COMT: variants seen among roughly 807,000 people sequenced by gnomAD.
The protein encoded by COMT is catechol-O-methyltransferase, also known as catechol O-methyltransferase.
In COMT, 13 loss-of-function variants were observed where a neutral mutation model predicts 18.9. That is an observed-to-expected ratio of 0.69 (90% CI 0.45 to 1.09). COMT has a LOEUF of 1.09. COMT is among the 50% of genes least tolerant of loss of function. COMT has a pLI of 0.00. For synonymous variants in COMT, 150 were observed against 160.9 expected (o/e 0.93, Z 0.51); for missense variants, 329 against 361.8 (o/e 0.91, Z 0.73).
rs361574 is a variant in COMT, at chr22:19,958,575, T to TAAA, written c.-91-2606_-91-2604dup. Reference sequence around the variant, plus strand: ...CCTTGCTAACACTTGTTATTTTCCTTAAAAAAAAAAAAAAAAAAAAGCCAG... The same window carrying TAAA: ...CCTTGCTAACACTTGTTATTTTCCTTAAAAAAAAAAAAAAAAAAAAAAAGCCAG... On this transcript the variant is annotated intron_variant, in intron 1 of 5. Coordinates refer to ENST00000361682, the MANE Select transcript of COMT (RefSeq NM_000754.4). Among the ~76,000 whole-genome samples, 166 of 121,628 alleles carry TAAA rather than the reference T, an allele frequency of 1.4e-3. 1 individual carries two copies. Among genetic ancestry groups the TAAA allele is most frequent in the Non-Finnish European group, 2.1e-3 (125 of 59,156 alleles). 79.8% of individuals were successfully genotyped at this position (121,628 alleles called of 152,430 possible). A position where few individuals can be genotyped will look rare whatever the true frequency, so the allele number is the denominator to read the frequency against.
chr22:19,950,562 C>G (rs1941913762), intron 1 of COMT, among the ~76,000 whole-genome samples: 1 of 151,948 alleles, frequency 6.6e-6, no homozygotes, highest in Admixed American at 6.6e-5. Flanking sequence ...TTGTGGGTCC[C>G]TGAGGCACTG....
At chr22:19,952,859 G>A (rs1035595253) in intron 1 of COMT, among the ~76,000 whole-genome samples, 1 of 151,258 alleles carries the variant, frequency 6.6e-6, no homozygotes, top group Non-Finnish European at 1.5e-5. Flanking sequence ...GCTGAGGCAG[G>A]AGAATCGCTT....
chr22:19,945,669 C>A lies in COMT; in HGVS notation c.-92+3772C>A, dbSNP rs138763393. Among the ~76,000 whole-genome samples the A allele has an allele frequency of 1.1e-4, 17 of 152,004 alleles. No homozygotes were observed. The East Asian group carries it at 3.3e-3, about 29-fold the overall frequency. ...TAAGAGAAAAGGGAAAGGTTTCTTT[C>A]TTTTTTTCTTTTTTGAGGCAGAGTC... On this transcript the variant is annotated intron_variant, in intron 1 of 5. Coordinates refer to ENST00000361682, the MANE Select transcript of COMT (RefSeq NM_000754.4).
chr22:19,962,551 T>C lies in COMT; in HGVS notation c.25T>C (p.Leu9=). The C allele has an allele frequency of 7.1e-7, 1 of 1,415,928 alleles. No homozygotes were observed. Among genetic ancestry groups the C allele is most frequent in the Non-Finnish European group, 9.4e-7 (1 of 1,063,592 alleles). 87.7% of individuals were successfully genotyped at this position (1,415,928 alleles called of 1,614,324 possible). MPEAPPLL[L]AAVLLGLVLL... The stretch of plus-strand genomic sequence containing the variant: ...GATGCCGGAGGCCCCGCCTCTGCTG[T>C]TGGCAGCTGTGTTGCTGGGCCTGGT... The change falls in exon 3 of 6, where the codon TTG becomes CTG. Residue 9 remains leucine (L), a synonymous_variant. Transcript: ENST00000361682.
chr22:19,959,796 C>G, intron 1 of COMT, among the ~76,000 whole-genome samples: 1 of 125,584 alleles, frequency 8.0e-6, no homozygotes, highest in Non-Finnish European at 1.8e-5. Context: ...GAGCACTTCC[C>G]CATCCCCCAT....
chr22:19,964,478 G>A, intron 5 of COMT, 179 bp downstream of exon 5: 3 of 933,478 alleles, frequency 3.2e-6, no homozygotes, highest in Non-Finnish European at 5.0e-6. Flanking sequence ...GGTGGGTGGA[G>A]ATGGGTGGGG....
At chr22:19,948,954 C>CAAAAA (rs71186636) in intron 1 of COMT, among the ~76,000 whole-genome samples, 89 of 86,786 alleles carry the variant, frequency 1.0e-3, no homozygotes, top group African/African-American at 1.6e-3. Flanking sequence ...GACTCTGTCT[C>CAAAAA]AAAAAAAAAA....
At chr22:19,956,783 C>A (rs1942074044) in intron 1 of COMT, among the ~76,000 whole-genome samples, 2 of 151,694 alleles carry the variant, frequency 1.3e-5, no homozygotes, top group East Asian at 3.9e-4. Flanking sequence ...ACTATGTTGC[C>A]CAGAGTGGTC....
chr22:19,960,063 T>C (rs1942160400), intron 1 of COMT, among the ~76,000 whole-genome samples: 1 of 152,208 alleles, frequency 6.6e-6, no homozygotes, highest in Non-Finnish European at 1.5e-5. Context: ...TGCCTCCCAC[T>C]AGGCCCTGGG....
rs781428653 is a variant in COMT at position 19,968,559 on chromosome 22, G to A, written c.639G>A (p.Gly213=). 5.0e-6 allele frequency: 8 copies of A among 1,613,966 alleles called. No homozygotes were observed. Among genetic ancestry groups the A allele is most frequent in the Admixed American group, 1.7e-5 (1 of 60,010 alleles). The part of the protein sequence containing the change: ...LLEECGLLRK[G]TVLLADNVIC... ...AGGAATGTGGCCTGCTGCGGAAGGGGACAGTGCTACTGGCTGACAACGTGA... is the reference window on the plus strand; with the variant it reads ...AGGAATGTGGCCTGCTGCGGAAGGGAACAGTGCTACTGGCTGACAACGTGA... The change falls in exon 6 of 6, where the codon GGG becomes GGA. Residue 213 remains glycine (G), a synonymous_variant. Coordinates refer to ENST00000361682, the MANE Select transcript of COMT (RefSeq NM_000754.4).
chr22:19,950,258 T>TTTTC (rs1941907016), intron 1 of COMT, among the ~76,000 whole-genome samples: 1 of 141,298 alleles, frequency 7.1e-6, no homozygotes, highest in Admixed American at 7.2e-5. Flanking sequence ...TTTTTTTTTT[T>TTTTC]TTTTTCTGTA....
In COMT at chr22:19,965,486, C is replaced by G. The variant is rs550002408; in HGVS notation, c.615+1187C>G. On this transcript the variant is annotated intron_variant, in intron 5 of 5. Transcript: ENST00000361682. ...CCTCCTGAGTAGCTGGGACTACAGG[C>G]GCGCGCTGCCACACCCGGCTAGTTT... is the stretch of plus-strand genomic sequence containing the variant. The G allele has an allele frequency of 3.3e-5, 5 of 152,250 alleles. No homozygotes were observed. In the South Asian group the frequency reaches 1.0e-3, roughly 32 times the overall value. 9.4% of individuals were successfully genotyped at this position (152,250 alleles called of 1,614,324 possible).
chr22:19,949,580 T>C lies in COMT; in HGVS notation c.-92+7683T>C, dbSNP rs1941893431. ...TTTTGTTTTCATATATTGATTATAA[T>C]TTTTAACCATTAGTAACCGGTATTT... On this transcript the variant is annotated intron_variant, in intron 1 of 5. Coordinates refer to ENST00000361682, the MANE Select transcript of COMT (RefSeq NM_000754.4). Among the ~76,000 whole-genome samples the C allele has an allele frequency of 2.6e-5, 4 of 152,096 alleles. 1 individual carries two copies. In the South Asian group the frequency reaches 8.3e-4, roughly 32 times the overall value.
At chr22:19,955,949 C>T (rs1339927836) in intron 1 of COMT, among the ~76,000 whole-genome samples, 3 of 152,086 alleles carry the variant, frequency 2.0e-5, no homozygotes, top group African/African-American at 7.2e-5. Context: ...CCCCTGGTAG[C>T]TGTCTTTCTC....
chr22:19,959,032 A>ACTC (rs1212344918), intron 1 of COMT, among the ~76,000 whole-genome samples: 2 of 151,552 alleles, frequency 1.3e-5, no homozygotes, highest in Non-Finnish European at 2.9e-5. Context: ...GTAAGGGGGG[A>ACTC]CTCTTGACGC....
In COMT at chr22:19,968,880, A is replaced by G; in HGVS notation, c.*144A>G. On this transcript the variant is annotated 3_prime_UTR_variant, in exon 6 of 6. Coordinates refer to ENST00000361682, the MANE Select transcript of COMT (RefSeq NM_000754.4). ...GCCGAGGCCTGCGCCCTGACATGCTAACCTCTCTGAACTGCAACACTGGAT... is the reference window on the plus strand; with the variant it reads ...GCCGAGGCCTGCGCCCTGACATGCTGACCTCTCTGAACTGCAACACTGGAT... 1.4e-6 allele frequency: 1 copy of G among 702,764 alleles called. No homozygotes were observed. The allele number at this position is 702,764 out of a possible 1,614,324, so 43.5% of individuals were successfully genotyped here. A position where few individuals can be genotyped will look rare whatever the true frequency, so the allele number is the denominator to read the frequency against.
At chr22:19,967,608 G>A in intron 5 of COMT, 1 of 348,260 alleles carries the variant, frequency 2.9e-6, no homozygotes, top group Non-Finnish European at 5.6e-6. Context: ...GGACTCTCCA[G>A]GCCCATCCCA....
intron 1 of COMT, among the ~76,000 whole-genome samples, chr22:19,945,978 T>C (rs899839914): frequency 3.3e-5 from 5 of 152,186 alleles, no homozygotes; most frequent in Non-Finnish European, 1.5e-5. Context: ...GAAAGGTTTC[T>C]TTTTTTAATA....
chr22:19,945,954 C>T (rs1941829485), intron 1 of COMT, among the ~76,000 whole-genome samples: 1 of 152,118 alleles, frequency 6.6e-6, no homozygotes, highest in South Asian at 2.1e-4. Context: ...CGTGAGCCAC[C>T]GTGCCCAGCC....
Sources: gnomAD v4.1 joint callset for allele counts (sites outside exome capture counted in the v4.1 genomes callset) on GRCh38, gnomAD v4.1.1 for gene constraint, MANE v1.5 for transcripts, NCBI Gene and HGNC (gene_info 2026-07-23, HGNC 2026-07-21) for gene names.